Variants in YTHDC2 observed in about 807,000 individuals in gnomAD.
YTHDC2 encodes the protein 3'-5' RNA helicase YTHDC2.
Under a neutral mutation model 174.9 loss-of-function variants are expected in YTHDC2, and 45 were observed. The observed-to-expected ratio is 0.26, with a 90% confidence interval of 0.20 to 0.33. YTHDC2 has a LOEUF of 0.33. Ranked by LOEUF, YTHDC2 falls within the 10% of genes least tolerant of loss-of-function variation. YTHDC2 has a pLI of 1.00. For synonymous variants in YTHDC2, 657 were observed against 574.5 expected, an observed-to-expected ratio of 1.14 and a Z score of -2.05; for missense variants, 1,650 against 1,723.7, an observed-to-expected ratio of 0.96 and a Z score of 0.76.
At chr5:113,533,271 G>A (rs760847751) in intron 5 of YTHDC2, among the ~76,000 whole-genome samples, 2 of 152,080 alleles carry the variant, frequency 1.3e-5, no homozygotes, top group Admixed American at 6.5e-5. Context: ...GGCGGGACGC[G>A]GTGGCTCATG....
In YTHDC2 at chr5:113,561,098, T is replaced by C; in HGVS notation, c.2235T>C (p.Pro745=). The change falls in exon 18 of 30, where the codon CCT becomes CCC. Residue 745 remains proline (P), a synonymous_variant. Transcript: ENST00000161863. ...TTTTAAGGGCAGGGCGATGTAGACC[T>C]GGAATTTGTTTTCGTCTGTTCAGTA... is the stretch of plus-strand genomic sequence containing the variant. The part of the protein sequence containing the change: ...QRKGRAGRCR[P]GICFRLFSRL... 1 of 1,608,720 alleles carries C rather than the reference T, an allele frequency of 6.2e-7. No individual in the cohort carries two copies. Among genetic ancestry groups the C allele is most frequent in the Non-Finnish European group, 8.5e-7 (1 of 1,176,864 alleles).
chr5:113,518,263 G>A (rs1370219385), intron 2 of YTHDC2, among the ~76,000 whole-genome samples: 10 of 148,796 alleles, frequency 6.7e-5, no homozygotes, highest in East Asian at 2.0e-4. Context: ...GAATGATGAC[G>A]GCTCGCTGCT....
chr5:113,535,673 A>AT lies in YTHDC2; in HGVS notation c.983dup (p.Leu328PhefsTer21), dbSNP rs1775003466. The AT allele has an allele frequency of 6.2e-7, 1 of 1,613,500 alleles. No homozygotes were observed. ...GTGCATGAAAGGGATCGATTTAGTG[A>AT]TTTTTTACTTACAAAGTTAAGAGAT... On this transcript the variant is annotated frameshift_variant, in exon 7 of 30. Coordinates refer to ENST00000161863, the MANE Select transcript of YTHDC2 (RefSeq NM_022828.5). LOFTEE classifies it high-confidence loss of function.
chr5:113,565,183 C>A (rs1169245901), intron 20 of YTHDC2, among the ~76,000 whole-genome samples: 2 of 152,078 alleles, frequency 1.3e-5, no homozygotes, highest in Non-Finnish European at 2.9e-5. Flanking sequence ...GATTTTTTCA[C>A]CACATATAAT....
chr5:113,545,402 G>GTTTTGTTTTC (rs1775798105), intron 10 of YTHDC2, among the ~76,000 whole-genome samples: 1 of 138,890 alleles, frequency 7.2e-6, no homozygotes, highest in African/African-American at 2.7e-5. Context: ...GTTTTGTTTT[G>GTTTTGTTTTC]AAACAGGGTC....
rs185140811 is a variant in YTHDC2 at position 113,543,889 on chromosome 5, C to G, written c.1495+1386C>G. Among the ~76,000 whole-genome samples the G allele has an allele frequency of 7.2e-5, 11 of 152,300 alleles. No homozygotes were observed. The East Asian group carries it at 1.7e-3, about 24-fold the overall frequency. Reference sequence around the variant, plus strand: ...TGGCCCAATGCCTACTTATTTAGGTCTCTGCTTACACATTGCCTTCTCTTT... The same window carrying G: ...TGGCCCAATGCCTACTTATTTAGGTGTCTGCTTACACATTGCCTTCTCTTT... On this transcript the variant is annotated intron_variant, in intron 10 of 29. Transcript: ENST00000161863.
intron 22 of YTHDC2, 105 bp downstream of exon 22, chr5:113,567,402 A>T: frequency 2.5e-6 from 1 of 395,232 alleles, no homozygotes; most frequent in Non-Finnish European, 3.7e-6. Flanking sequence ...GAAATTAATT[A>T]GTTATATATA....
At chr5:113,574,590 C>T (rs973653769) in intron 23 of YTHDC2, among the ~76,000 whole-genome samples, 1 of 152,136 alleles carries the variant, frequency 6.6e-6, no homozygotes, top group African/African-American at 2.4e-5. Context: ...AGCAGCCACC[C>T]CTCCCCCTGG....
chr5:113,555,212 T>G (rs144693384), intron 16 of YTHDC2, among the ~76,000 whole-genome samples: 171 of 152,192 alleles, frequency 1.1e-3, no homozygotes, highest in African/African-American at 3.9e-3. Context: ...ACTTATTTAT[T>G]AAGTAACTGA....
intron 12 of YTHDC2, among the ~76,000 whole-genome samples, chr5:113,551,466 A>C (rs1382838072): frequency 1.3e-5 from 2 of 152,150 alleles, no homozygotes; most frequent in Non-Finnish European, 2.9e-5. Flanking sequence ...AGCTTTAAAC[A>C]GAATATAATG....
intron 4 of YTHDC2, among the ~76,000 whole-genome samples, chr5:113,530,406 A>T (rs1470752505): frequency 6.6e-6 from 1 of 152,044 alleles, no homozygotes. Context: ...GTGTGAGCAT[A>T]ATATTCTTCT....
In YTHDC2 at chr5:113,515,371, G is replaced by A. The variant is rs774930031; in HGVS notation, c.278+9G>A. 2 of 1,593,150 alleles carry A rather than the reference G, an allele frequency of 1.3e-6. No individual in the cohort carries two copies. Among genetic ancestry groups the A allele is most frequent in the Non-Finnish European group, 1.7e-6 (2 of 1,173,654 alleles). Reference sequence around the variant, plus strand: ...GTCTCTAAAAGTAAAGGGTAAGCTGGTAGCTTTTCTTATTTTTTTTAAAAA... The same window carrying A: ...GTCTCTAAAAGTAAAGGGTAAGCTGATAGCTTTTCTTATTTTTTTTAAAAA... On this transcript the variant is annotated intron_variant, in intron 2 of 29. Coordinates refer to ENST00000161863, the MANE Select transcript of YTHDC2 (RefSeq NM_022828.5).
At position 113,525,570 on chromosome 5, in the gene YTHDC2, A is replaced by C. The variant is rs11957044; in HGVS notation, c.475+393A>C. On this transcript the variant is annotated intron_variant, in intron 3 of 29. Transcript: ENST00000161863. The stretch of plus-strand genomic sequence containing the variant: ...TTCGAGGACACCAAACCAGCCAATA[A>C]ACTGCAGAGCGGGTATTTGACTCCA... Among the ~76,000 whole-genome samples the C allele has an allele frequency of 1.2e-3, 183 of 152,156 alleles. 1 individual carries two copies. Among genetic ancestry groups the C allele is most frequent in the African/African-American group, 4.1e-3 (171 of 41,532 alleles).
intron 18 of YTHDC2, among the ~76,000 whole-genome samples, chr5:113,561,872 A>ATCCAAATC (rs1335579932): frequency 6.6e-6 from 1 of 152,084 alleles, no homozygotes; most frequent in East Asian, 1.9e-4. Flanking sequence ...AAAAGATAAT[A>ATCCAAATC]TCCAAATCTC....
chr5:113,567,688 A>G lies in YTHDC2; in HGVS notation c.3083A>G (p.Lys1028Arg). 1 of 1,606,402 alleles carries G rather than the reference A, an allele frequency of 6.2e-7. No individual in the cohort carries two copies. The highest frequency in any genetic ancestry group is 8.5e-7 in the Non-Finnish European group (1 of 1,177,262). The change falls in exon 23 of 30, where the codon AAG becomes AGG. Residue 1028 changes from lysine to arginine, a missense_variant. Around this residue, in one of 5 missense-constraint regions of YTHDC2, gnomAD observed 913 missense variants for 940.4 expected, o/e 0.97. Coordinates refer to ENST00000161863, the MANE Select transcript of YTHDC2 (RefSeq NM_022828.5). The part of the protein sequence containing the change: ...PPANGQAAAI[K>R]ALPTDWLIYD... Reference sequence around the variant, plus strand: ...GCCAATGGTCAAGCTGCAGCAATTAAGGCACTGCCCACAGATTGGCTTATT... The same window carrying G: ...GCCAATGGTCAAGCTGCAGCAATTAGGGCACTGCCCACAGATTGGCTTATT...
At chr5:113,527,430 T>C (rs1774341290) in intron 4 of YTHDC2, among the ~76,000 whole-genome samples, 1 of 152,236 alleles carries the variant, frequency 6.6e-6, no homozygotes, top group Non-Finnish European at 1.5e-5. Flanking sequence ...GACTCTTGTG[T>C]ACATTCTTGC....
intron 24 of YTHDC2, 138 bp from the exon 25 acceptor site, chr5:113,581,278 AT>A: frequency 1.4e-6 from 1 of 734,602 alleles, no homozygotes; most frequent in Non-Finnish European, 2.0e-6. Flanking sequence ...TGCATTAAAA[AT>A]AATGAAATTA....
intron 8 of YTHDC2, among the ~76,000 whole-genome samples, chr5:113,540,404 G>A (rs1775370103): frequency 6.6e-6 from 1 of 152,132 alleles, no homozygotes; most frequent in African/African-American, 2.4e-5. Flanking sequence ...GAATGTATTA[G>A]CCCATTTTCA....
intron 1 of YTHDC2, among the ~76,000 whole-genome samples, chr5:113,514,879 T>G (rs1317969790): frequency 6.6e-6 from 1 of 152,190 alleles, no homozygotes; most frequent in Non-Finnish European, 1.5e-5. Context: ...TTTGAACATA[T>G]CTCATCATTG....
Sources: allele counts gnomAD v4.1 joint callset (sites outside exome capture counted in the v4.1 genomes callset), GRCh38; gene constraint gnomAD v4.1.1; regional missense constraint gnomAD v4.1.1; transcripts MANE v1.5; gene names NCBI Gene and HGNC (gene_info 2026-07-23, HGNC 2026-07-21).